ITIH1: variants seen among roughly 807,000 people sequenced by gnomAD.
ITIH1 encodes the protein inter-alpha-trypsin inhibitor heavy chain 1, also known as inter-alpha-trypsin inhibitor heavy chain H1.
Under a neutral mutation model 104.6 loss-of-function variants are expected in ITIH1, and 94 were observed. The observed-to-expected ratio is 0.90, with a 90% CI of 0.76 to 1.07. The LOEUF (loss-of-function observed/expected upper bound fraction) is 1.07, where lower values mean the gene tolerates loss of function less well. ITIH1 is among the 50% of genes least tolerant of loss of function. ITIH1 has a pLI of 0.00. For synonymous variants in ITIH1, 455 were observed against 464.4 expected (o/e 0.98, Z 0.26); for missense variants, 1,193 against 1,181.4 (o/e 1.01, Z -0.14).
intron 10 of ITIH1, among the ~76,000 whole-genome samples, chr3:52,784,066 G>C (rs966215442): frequency 4.6e-5 from 7 of 152,202 alleles, no homozygotes; most frequent in Admixed American, 2.0e-4. Flanking sequence ...AGCAGAATCA[G>C]ACCTGCTGGT....
At chr3:52,785,262 A>G in intron 12 of ITIH1, 33 bp downstream of exon 12, 1 of 1,604,254 alleles carries the variant, frequency 6.2e-7, no homozygotes, top group Non-Finnish European at 8.5e-7. Flanking sequence ...TGGAGAGGCC[A>G]GGCAGCACCC....
chr3:52,785,291 A>G, intron 12 of ITIH1, 62 bp downstream of exon 12: 2 of 1,523,088 alleles, frequency 1.3e-6, no homozygotes, highest in Non-Finnish European at 1.8e-6. Context: ...CCAAACCCAC[A>G]CTGTTCCCCA....
rs201262867 is a variant in ITIH1 at position 52,777,705 on chromosome 3, G to C, written c.90G>C (p.Ser30=). Reference sequence around the variant, plus strand: ...TGCAGGCCATGCCTGCCCTGGGCTCGGCTACAGGCAGGTCCAAGAGCAGCG... The same window carrying C: ...TGCAGGCCATGCCTGCCCTGGGCTCCGCTACAGGCAGGTCCAAGAGCAGCG... ...LILQAMPALG[S]ATGRSKSSEK... is the part of the protein sequence containing the mutation. Residue 30 remains serine, a synonymous_variant, in exon 1 of 22, where the codon TCG becomes TCC. Coordinates refer to ENST00000273283, the MANE Select transcript of ITIH1 (RefSeq NM_002215.4). The C allele has an allele frequency of 6.3e-7, 1 of 1,599,076 alleles. No individual in the cohort carries two copies. Among genetic ancestry groups the C allele is most frequent in the Non-Finnish European group, 8.5e-7 (1 of 1,173,398 alleles).
chr3:52,781,840 C>T (rs1399297263), intron 6 of ITIH1, 100 bp from the exon 7 acceptor site: 2 of 609,010 alleles, frequency 3.3e-6, no homozygotes, highest in African/African-American at 3.8e-5. Flanking sequence ...TCCGTGCAAA[C>T]ACACACACAC....
chr3:52,778,114 T>C, intron 2 of ITIH1, 97 bp downstream of exon 2: 1 of 1,383,080 alleles, frequency 7.2e-7, no homozygotes, highest in Non-Finnish European at 1.0e-6. Context: ...ATCAGGGCCA[T>C]AGGCATGGGG....
chr3:52,781,993 C>T lies in ITIH1; in HGVS notation c.741C>T (p.Cys247=), dbSNP rs1280292998. Reference sequence around the variant, plus strand: ...GCCAGCAGCAGTCCTGCCCCACATGCTCTACATCCTTACTGAACGGGCACT... The same window carrying T: ...GCCAGCAGCAGTCCTGCCCCACATGTTCTACATCCTTACTGAACGGGCACT... ...TVSQQQSCPT[C]STSLLNGHFK... The change falls in exon 7 of 22, where the codon TGC becomes TGT. Residue 247 remains cysteine (C), a synonymous_variant. Transcript: ENST00000273283. 3.7e-6 allele frequency: 6 copies of T among 1,614,072 alleles called. No individual in the cohort carries two copies. The highest frequency in any genetic ancestry group is 5.1e-6 in the Non-Finnish European group (6 of 1,180,050).
At chr3:52,787,261 G>A (rs1699227710) in intron 15 of ITIH1, 59 bp downstream of exon 15, 2 of 1,607,976 alleles carry the variant, frequency 1.2e-6, no homozygotes, top group Non-Finnish European at 1.7e-6. Context: ...CAGGTGGCAG[G>A]TGCTCCAGCC....
At chr3:52,787,727 A>G in intron 16 of ITIH1, 115 bp downstream of exon 16, 2 of 1,281,544 alleles carry the variant, frequency 1.6e-6, no homozygotes, top group South Asian at 1.2e-5. Context: ...AATCTTTAGA[A>G]CAGACCTCTG....
At position 52,779,521 on chromosome 3, in the gene ITIH1, T is replaced by C. The variant is rs1471706210; in HGVS notation, c.500T>C (p.Val167Ala). Residue 167 changes from valine (V) to alanine (A), a missense_variant, in exon 5 of 22, where the codon GTG (valine) becomes GCG (alanine). By Grantham distance (64) the Val-to-Ala change is moderately conservative. Transcript: ENST00000273283. This position sits in a 1 kb window ranked among gnomAD's most constrained non-coding sequence, Gnocchi z 4.4. ...KVTFQLTYEE[V>A]LKRNHMQYEI... ...ACGTTTCAGCTGACTTATGAGGAAGTGCTGAAGAGAAACCATATGCAGTAT... is the reference window on the plus strand; with the variant it reads ...ACGTTTCAGCTGACTTATGAGGAAGCGCTGAAGAGAAACCATATGCAGTAT... 1 of 1,614,100 alleles carries C rather than the reference T, an allele frequency of 6.2e-7. No individual in the cohort carries two copies. Among genetic ancestry groups the C allele is most frequent in the East Asian group, 2.2e-5 (1 of 44,898 alleles).
intron 3 of ITIH1, 169 bp from the exon 4 acceptor site, chr3:52,778,773 C>G (rs1698967539): frequency 7.8e-6 from 9 of 1,147,532 alleles, no homozygotes; most frequent in Non-Finnish European, 1.1e-5. Flanking sequence ...TTGCTGGCCT[C>G]TGACCTGGGC....
chr3:52,777,988 G>T lies in ITIH1; in HGVS notation c.118-9G>T. On this transcript the variant is annotated splice_polypyrimidine_tract_variant and intron_variant, in intron 1 of 21. Transcript: ENST00000273283. Reference sequence around the variant, plus strand: ...TCCTCTCACACTTGACCCTGATTTTGTTTTGCAGAAGCGACAGGCTGTGGA... The same window carrying T: ...TCCTCTCACACTTGACCCTGATTTTTTTTTGCAGAAGCGACAGGCTGTGGA... 6.2e-7 allele frequency: 1 copy of T among 1,614,232 alleles called. No homozygotes were observed. The highest frequency in any genetic ancestry group is 8.5e-7 in the Non-Finnish European group (1 of 1,180,038).
At position 52,777,714 on chromosome 3, in the gene ITIH1, C is replaced by A. The variant is rs752128749; in HGVS notation, c.99C>A (p.Gly33=). Reference sequence around the variant, plus strand: ...TGCCTGCCCTGGGCTCGGCTACAGGCAGGTCCAAGAGCAGCGAGGTATATG... The same window carrying A: ...TGCCTGCCCTGGGCTCGGCTACAGGAAGGTCCAAGAGCAGCGAGGTATATG... ...QAMPALGSAT[G]RSKSSEKRQA... The change falls in exon 1 of 22, where the codon GGC becomes GGA. Residue 33 remains glycine, a synonymous_variant. Coordinates refer to ENST00000273283, the MANE Select transcript of ITIH1 (RefSeq NM_002215.4). 1.3e-6 allele frequency: 2 copies of A among 1,593,020 alleles called. No individual in the cohort carries two copies. Among genetic ancestry groups the A allele is most frequent in the South Asian group, 2.3e-5 (2 of 87,652 alleles).
chr3:52,783,890 C>T (rs1263453096), intron 10 of ITIH1, among the ~76,000 whole-genome samples: 1 of 151,812 alleles, frequency 6.6e-6, no homozygotes, highest in Non-Finnish European at 1.5e-5. Flanking sequence ...GGGAGAGTGG[C>T]AGGAAGGGAT....
intron 3 of ITIH1, 170 bp from the exon 4 acceptor site, chr3:52,778,772 T>A: frequency 1.7e-6 from 2 of 1,182,920 alleles, no homozygotes; most frequent in Non-Finnish European, 2.3e-6. Context: ...CTTGCTGGCC[T>A]CTGACCTGGG....
chr3:52,784,511 C>A, intron 11 of ITIH1, 34 bp downstream of exon 11: 1 of 1,601,508 alleles, frequency 6.2e-7, no homozygotes. Context: ...CCTCCAATGG[C>A]ATGCCATAGG....
rs1197705365 is a variant in ITIH1 at position 52,779,122 on chromosome 3, G to A, written c.410+76G>A. The A allele has an allele frequency of 9.3e-7, 1 of 1,073,096 alleles. No individual in the cohort carries two copies. Among genetic ancestry groups the A allele is most frequent in the Non-Finnish European group, 1.4e-6 (1 of 690,102 alleles). 66.5% of individuals were successfully genotyped at this position (1,073,096 alleles called of 1,614,324 possible). A position where few individuals can be genotyped will look rare whatever the true frequency, so the allele number is the denominator to read the frequency against. The stretch of plus-strand genomic sequence containing the variant: ...GGACAGGTCTGATGGCTGCAAGGTG[G>A]CTTTAGTGGAGAACAGCCCAGGATG... On this transcript the variant is annotated intron_variant, in intron 4 of 21. Coordinates refer to ENST00000273283, the MANE Select transcript of ITIH1 (RefSeq NM_002215.4). This position sits in a 1 kb window ranked among gnomAD's most constrained non-coding sequence, Gnocchi z 4.4.
rs1267241133 is a variant in ITIH1 at position 52,790,861 on chromosome 3, T to C, written c.2434T>C (p.Phe812Leu). 6.2e-7 allele frequency: 1 copy of C among 1,612,752 alleles called. No individual in the cohort carries two copies. Residue 812 changes from phenylalanine (F) to leucine (L), a missense_variant, in exon 20 of 22, where the codon TTC (phenylalanine) becomes CTC (leucine). Physicochemically the swap from Phe to Leu is conservative, Grantham distance 22. Transcript: ENST00000273283. The part of the protein sequence containing the change: ...VWKGSSVHQD[F>L]LGFYVLDSHR... ...GAAGGGGAGCTCGGTCCACCAGGACTTCCTGGGCTTCTATGTGCTGGACAG... is the reference window on the plus strand; with the variant it reads ...GAAGGGGAGCTCGGTCCACCAGGACCTCCTGGGCTTCTATGTGCTGGACAG...
At chr3:52,780,623 C>A (rs1182300131) in intron 6 of ITIH1, among the ~76,000 whole-genome samples, 1 of 152,244 alleles carries the variant, frequency 6.6e-6, no homozygotes, top group African/African-American at 2.4e-5. Context: ...AGCTCCACCA[C>A]ACACGGGCTG....
chr3:52,790,755 G>A lies in ITIH1; in HGVS notation c.2328G>A (p.Val776=). The A allele has an allele frequency of 1.2e-6, 2 of 1,612,238 alleles. No homozygotes were observed. The highest frequency in any genetic ancestry group is 1.7e-6 in the Non-Finnish European group (2 of 1,179,288). ...DQAVLRQDGV[V]VTINKKRNLV... is the part of the protein sequence containing the mutation. ...CGGCCACCTGGCTCTGCAGGGTGGT[G>A]GTGACCATCAACAAGAAGAGGAACC... The change falls in exon 20 of 22, where the codon GTG becomes GTA. Residue 776 remains valine (V), a synonymous_variant. Coordinates refer to ENST00000273283, the MANE Select transcript of ITIH1 (RefSeq NM_002215.4).
Sources: gnomAD v4.1 joint callset for allele counts (sites outside exome capture counted in the v4.1 genomes callset) on GRCh38, gnomAD v4.1.1 for gene constraint, Gnocchi (gnomAD v3.1) non-coding constraint, MANE v1.5 for transcripts, NCBI Gene and HGNC (gene_info 2026-07-23, HGNC 2026-07-21) for gene names.